Variants in RBM25 observed in about 807,000 individuals in gnomAD.
The protein encoded by RBM25 is RNA binding motif protein 25.
A neutral mutation model predicts 120.7 loss-of-function variants in RBM25; 19 were observed. That is an observed-to-expected ratio of 0.16 (90% CI 0.11 to 0.23). The LOEUF is 0.23. RBM25 is among the 10% of genes least tolerant of loss of function. The probability of loss-of-function intolerance (pLI) is 1.00; values close to 1 mark genes in which losing one functional copy is unlikely to be tolerated. For synonymous variants in RBM25, 390 were observed against 326.7 expected (o/e 1.19, Z -2.09); for missense variants, 605 against 1,041.5 (o/e 0.58, Z 5.77).
intron 4 of RBM25, among the ~76,000 whole-genome samples, chr14:73,082,370 C>A (rs959294545): frequency 1.3e-5 from 2 of 152,170 alleles, no homozygotes; most frequent in Non-Finnish European, 2.9e-5. Context: ...CAGCTCACTG[C>A]AGCCTCGATT....
intron 5 of RBM25, among the ~76,000 whole-genome samples, chr14:73,084,545 T>C (rs1019350390): frequency 6.6e-6 from 1 of 152,054 alleles, no homozygotes; most frequent in Admixed American, 6.6e-5. Flanking sequence ...TGGTTTGTTT[T>C]GTTTTGTTTG....
chr14:73,097,357 T>C (rs1409039676), intron 7 of RBM25, among the ~76,000 whole-genome samples: 1 of 152,002 alleles, frequency 6.6e-6, no homozygotes, highest in Admixed American at 6.6e-5. Flanking sequence ...TCCGCCACCA[T>C]GCCCGGCTAA....
At chr14:73,074,176 C>A (rs1207337033) in intron 2 of RBM25, among the ~76,000 whole-genome samples, 1 of 152,098 alleles carries the variant, frequency 6.6e-6, no homozygotes, top group Non-Finnish European at 1.5e-5. Flanking sequence ...TGATTTTCTT[C>A]ATATATTTAT....
chr14:73,090,915 A>G (rs766167561), intron 6 of RBM25, among the ~76,000 whole-genome samples: 1 of 152,226 alleles, frequency 6.6e-6, no homozygotes, highest in East Asian at 1.9e-4. Flanking sequence ...TTTTATTTCA[A>G]ATCAGTAATA....
chr14:73,086,351 T>C (rs1348879328), intron 5 of RBM25, among the ~76,000 whole-genome samples: 1 of 151,202 alleles, frequency 6.6e-6, no homozygotes, highest in African/African-American at 2.4e-5. Flanking sequence ...GGCAGGAGAA[T>C]CGCTTCAACC....
chr14:73,093,943 G>GT (rs1270207726), intron 6 of RBM25, among the ~76,000 whole-genome samples: 117 of 133,724 alleles, frequency 8.7e-4, no homozygotes, highest in South Asian at 1.2e-3. Context: ...CCATGATCAG[G>GT]TTTTGTTTTT....
intron 13 of RBM25, 102 bp from the exon 14 acceptor site, chr14:73,109,240 C>T: frequency 8.1e-7 from 1 of 1,237,544 alleles, no homozygotes; most frequent in Non-Finnish European, 1.1e-6. Flanking sequence ...AACCTCTTAG[C>T]ATGCAGGTTG....
At chr14:73,073,797 C>T (rs1198039044) in intron 2 of RBM25, among the ~76,000 whole-genome samples, 3 of 152,180 alleles carry the variant, frequency 2.0e-5, no homozygotes, top group South Asian at 2.1e-4. Context: ...AGCTGCTTTA[C>T]GCTGTGCTTC....
chr14:73,080,547 T>C (rs555856922), intron 4 of RBM25, among the ~76,000 whole-genome samples: 1 of 152,140 alleles, frequency 6.6e-6, no homozygotes, highest in African/African-American at 2.4e-5. Flanking sequence ...TTTTAACAAT[T>C]GGTGTTTATT....
At chr14:73,090,793 A>G (rs1376240856) in intron 6 of RBM25, among the ~76,000 whole-genome samples, 1 of 152,194 alleles carries the variant, frequency 6.6e-6, no homozygotes, top group Non-Finnish European at 1.5e-5. Flanking sequence ...CACAGCATCT[A>G]GGACAGTGTC....
Position 73,103,078 on chromosome 14 carries a change from A to G in RBM25, c.868-114A>G, listed in dbSNP as rs201189489. The G allele has an allele frequency of 1.3e-3, 1,910 of 1,514,612 alleles. 20 individuals carry two copies. In the South Asian group the frequency reaches 0.014, roughly 11 times the overall value. 93.8% of individuals were successfully genotyped at this position (1,514,612 alleles called of 1,614,324 possible). A position where few individuals can be genotyped will look rare whatever the true frequency, so the allele number is the denominator to read the frequency against. ...TCACATAAAACCACAAGTATTTAAT[A>G]TTAATGTATCAGTGGTTTGGTGTTT... is the stretch of plus-strand genomic sequence containing the variant. On this transcript the variant is annotated intron_variant, in intron 9 of 18. Coordinates refer to ENST00000261973, the MANE Select transcript of RBM25 (RefSeq NM_021239.3).
chr14:73,115,449 G>T (rs1030574755), intron 18 of RBM25, among the ~76,000 whole-genome samples: 1 of 152,132 alleles, frequency 6.6e-6, no homozygotes, highest in Non-Finnish European at 1.5e-5. Flanking sequence ...TCCTGTGTTA[G>T]TTTGCTAAGG....
chr14:73,114,421 C>A lies in RBM25; in HGVS notation c.2439+88C>A. On this transcript the variant is annotated intron_variant, in intron 18 of 18. Coordinates refer to ENST00000261973, the MANE Select transcript of RBM25 (RefSeq NM_021239.3). ...TCTTAAAATATAGATGGGGTCTCAC[C>A]ACGTTGCCCAGGGTAGTCTTAAATT... The A allele has an allele frequency of 3.2e-6, 3 of 931,796 alleles. No homozygotes were observed. In the South Asian group the frequency reaches 5.0e-5, roughly 15 times the overall value. 57.7% of individuals were successfully genotyped at this position (931,796 alleles called of 1,614,324 possible). A position where few individuals can be genotyped will look rare whatever the true frequency, so the allele number is the denominator to read the frequency against.
At chr14:73,083,944 C>A (rs1895623862) in intron 5 of RBM25, among the ~76,000 whole-genome samples, 1 of 150,738 alleles carries the variant, frequency 6.6e-6, no homozygotes, top group Non-Finnish European at 1.5e-5. Flanking sequence ...GTCACCCAGG[C>A]TGGAGTGCAG....
chr14:73,059,268 ATACC>A (rs1266499445), intron 1 of RBM25: 1 of 152,166 alleles, frequency 6.6e-6, no homozygotes, highest in African/African-American at 2.4e-5. Context: ...AATTGAGCTA[ATACC>A]TACCTTTTTA....
rs1160489282 is a variant in RBM25, at chr14:73,121,900, G to A, written c.*2095G>A. On this transcript the variant is annotated 3_prime_UTR_variant, in exon 19 of 19. Transcript: ENST00000261973. ...GTGACAGGACCTCAACTAAATATAT[G>A]AATTTGTGCAAGTTCATATATTAAA... 1 of 151,594 alleles carries A rather than the reference G, an allele frequency of 6.6e-6. No individual in the cohort carries two copies. Among genetic ancestry groups the A allele is most frequent in the Non-Finnish European group, 1.5e-5 (1 of 67,638 alleles). The allele number at this position is 151,594 out of a possible 1,614,324, so 9.4% of individuals were successfully genotyped here.
At chr14:73,087,701 C>T (rs1403339858) in intron 5 of RBM25, among the ~76,000 whole-genome samples, 1 of 152,160 alleles carries the variant, frequency 6.6e-6, no homozygotes, top group Non-Finnish European at 1.5e-5. Context: ...GGCCAATTGA[C>T]TCCTTTTAAT....
At position 73,111,619 on chromosome 14, in the gene RBM25, T is replaced by C. The variant is rs143595729; in HGVS notation, c.2109T>C (p.Ser703=). ...TTAACAAATTTGAGGATGAAGACAG[T>C]GATGACGTACCCCGAAAAAGGAAAC... is the stretch of plus-strand genomic sequence containing the variant. The part of the protein sequence containing the change: ...SVFNKFEDED[S]DDVPRKRKLV... Residue 703 remains serine, a synonymous_variant, in exon 16 of 19, where the codon AGT becomes AGC. Transcript: ENST00000261973. 2 of 1,613,996 alleles carry C rather than the reference T, an allele frequency of 1.2e-6. No homozygotes were observed. The highest frequency in any genetic ancestry group is 2.7e-5 in the African/African-American group (2 of 74,904).
intron 6 of RBM25, among the ~76,000 whole-genome samples, chr14:73,091,398 G>A (rs1340123422): frequency 6.6e-6 from 1 of 152,062 alleles, no homozygotes; most frequent in African/African-American, 2.4e-5. Flanking sequence ...ATTTTTTGTT[G>A]AGATGAAGTT....
Sources: gnomAD v4.1 joint callset for allele counts (sites outside exome capture counted in the v4.1 genomes callset) on GRCh38, gnomAD v4.1.1 for gene constraint, MANE v1.5 for transcripts, NCBI Gene and HGNC (gene_info 2026-07-23, HGNC 2026-07-21) for gene names.